The following NDE1 variants were observed in gnomAD, a reference collection of about 807,000 sequenced individuals.
NDE1 encodes nudE neurodevelopment protein 1.
A neutral mutation model predicts 43.4 loss-of-function variants in NDE1; 28 were observed. The observed-to-expected ratio is 0.65, with a 90% CI of 0.48 to 0.89. NDE1 has a LOEUF of 0.89. Among genes scored for constraint, NDE1 ranks in the 40% least tolerant of loss-of-function variants. The probability of loss-of-function intolerance (pLI) is 0.00; values close to 1 mark genes in which losing one functional copy is unlikely to be tolerated. For synonymous variants in NDE1, 184 were observed against 172.0 expected (o/e 1.07, Z -0.55); for missense variants, 441 against 434.1 (o/e 1.02, Z -0.14).
At chr16:15,703,412 A>G (rs2039290501) in intron 8 of NDE1, 2 of 239,538 alleles carry the variant, frequency 8.3e-6, no homozygotes, top group African/African-American at 2.2e-5. Context: ...CTTTCTCCCC[A>G]TTTCATGTAA....
At chr16:15,714,684 T>TA (rs1157018256) in intron 8 of NDE1, 2 of 618,628 alleles carry the variant, frequency 3.2e-6, no homozygotes, top group South Asian at 1.9e-5. Flanking sequence ...GGTCGATCGT[T>TA]AAAGGATCTA....
At chr16:15,702,845 G>A (rs1024380147) in intron 8 of NDE1, among the ~76,000 whole-genome samples, 43 of 152,060 alleles carry the variant, frequency 2.8e-4, no homozygotes, top group African/African-American at 1.0e-3. Context: ...AGTCATGTTC[G>A]AGGGCAGGGG....
intron 8 of NDE1, chr16:15,703,695 C>T (rs2151159111): frequency 2.2e-6 from 1 of 459,414 alleles, no homozygotes; most frequent in East Asian, 3.9e-5. Context: ...CTGGAGCGTT[C>T]TTCCTGGCTC....
chr16:15,714,766 G>C, intron 8 of NDE1: 1 of 1,086,280 alleles, frequency 9.2e-7, no homozygotes, highest in Non-Finnish European at 1.4e-6. Context: ...TAAGCTTAGT[G>C]ATTAAGGAGA....
At position 15,725,160 on chromosome 16, in the gene NDE1, CACA is replaced by C; in HGVS notation, c.*911_*913del. 1.5e-6 allele frequency: 1 copy of C among 649,860 alleles called. No homozygotes were observed. The highest frequency in any genetic ancestry group is 2.7e-6 in the Non-Finnish European group (1 of 371,532). The allele number at this position is 649,860 out of a possible 1,614,324, so 40.3% of individuals were successfully genotyped here. ...AAAAAAAAAAAAAAACACACACACA[CACA>C]AAAAAAACAGAATCTGTGGCTTGAA... On this transcript the variant is annotated 3_prime_UTR_variant, in exon 9 of 9. Transcript: ENST00000396354.
chr16:15,703,285 G>A (rs1198419435), intron 8 of NDE1: 1 of 226,424 alleles, frequency 4.4e-6, no homozygotes, highest in Non-Finnish European at 8.8e-6. Context: ...GCGTGTCTGA[G>A]GTGTGGAAAC....
In NDE1 at chr16:15,720,566, T is replaced by C. The variant is rs144000719; in HGVS notation, c.948-3625T>C. 7.3e-3 allele frequency among the ~76,000 whole-genome samples: 1,091 copies of C among 150,232 alleles called. 12 individuals carry two copies. Among genetic ancestry groups the C allele is most frequent in the African/African-American group, 0.026 (1,062 of 40,792 alleles). On this transcript the variant is annotated intron_variant, in intron 8 of 8. Coordinates refer to ENST00000396354, the MANE Select transcript of NDE1 (RefSeq NM_017668.3). ...GAGTTCAAGACCAGCCTGGCCAACA[T>C]GGTGAAACCTTGTCTCCACTGAAAA... is the stretch of plus-strand genomic sequence containing the variant.
At position 15,675,170 on chromosome 16, in the gene NDE1, T is replaced by TA. The variant is rs1328428809; in HGVS notation, c.238-2630dup. ...GCACTTAGGACATAATTGAAACAGT[T>TA]ATTCAGTGTGCCTGCCTGCCCGCCC... On this transcript the variant is annotated intron_variant, in intron 3 of 8. Transcript: ENST00000396354. 7.9e-5 allele frequency among the ~76,000 whole-genome samples: 12 copies of TA among 152,002 alleles called. No homozygotes were observed. In the East Asian group the frequency reaches 2.3e-3, roughly 30 times the overall value.
At chr16:15,674,686 AAAC>A (rs1339274608) in intron 3 of NDE1, among the ~76,000 whole-genome samples, 1 of 152,172 alleles carries the variant, frequency 6.6e-6, no homozygotes, top group Non-Finnish European at 1.5e-5. Context: ...TTGTGGGCAC[AAAC>A]AACAGAAGTC....
intron 1 of NDE1, among the ~76,000 whole-genome samples, chr16:15,660,853 TCTCA>T (rs1241187081): frequency 1.3e-5 from 2 of 152,158 alleles, no homozygotes; most frequent in Non-Finnish European, 2.9e-5. Flanking sequence ...TTCTCATCTC[TCTCA>T]CTCTGTTTCT....
Position 15,664,839 on chromosome 16 carries a change from C to G in NDE1, c.61C>G (p.Leu21Val). The change falls in exon 2 of 9, where the codon CTG (leucine) becomes GTG (valine). Residue 21 changes from leucine to valine, a missense_variant. Physicochemically the swap from Leu to Val is conservative, Grantham distance 32. Coordinates refer to ENST00000396354, the MANE Select transcript of NDE1 (RefSeq NM_017668.3). The part of the protein sequence containing the change: ...EEEEANYWKD[L>V]AMTYKQRAEN... ...GGAAGAAGCTAACTATTGGAAAGAT[C>G]TGGCGATGACCTACAAACAGAGGTC... 3 of 1,613,136 alleles carry G rather than the reference C, an allele frequency of 1.9e-6. No individual in the cohort carries two copies. Among genetic ancestry groups the G allele is most frequent in the Non-Finnish European group, 2.5e-6 (3 of 1,179,432 alleles).
At chr16:15,724,023 A>G (rs560547342) in intron 8 of NDE1, 168 bp from the exon 9 acceptor site, 1 of 1,458,166 alleles carries the variant, frequency 6.9e-7, no homozygotes, top group African/African-American at 1.4e-5. Context: ...CCAAGACAAG[A>G]TAAGACAGCC....
At chr16:15,699,717 C>T (rs2039162052) in intron 8 of NDE1, 2 of 1,348,876 alleles carry the variant, frequency 1.5e-6, no homozygotes, top group Non-Finnish European at 2.0e-6. Flanking sequence ...ATTTGGTTTG[C>T]TCTGTCTGAA....
chr16:15,669,761 CTGGGATTACAAGCA>C (rs1200326173), intron 3 of NDE1, among the ~76,000 whole-genome samples: 1 of 152,188 alleles, frequency 6.6e-6, no homozygotes, highest in Non-Finnish European at 1.5e-5. Context: ...TCCCAAAGTG[CTGGGATTACAAGCA>C]TGAGTCACCC....
At chr16:15,661,958 A>C (rs940128004) in intron 1 of NDE1, among the ~76,000 whole-genome samples, 3 of 149,000 alleles carry the variant, frequency 2.0e-5, no homozygotes, top group Admixed American at 1.3e-4. Context: ...TTTTTAGACA[A>C]GGTCTCACTC....
In NDE1 at chr16:15,659,425, C is replaced by CTTTTTTTTT. The variant is rs35091023; in HGVS notation, c.-43-5290_-43-5282dup. Among the ~76,000 whole-genome samples, 3 of 58,892 alleles carry CTTTTTTTTT rather than the reference C, an allele frequency of 5.1e-5. 1 individual carries two copies. The highest frequency in any genetic ancestry group is 3.0e-5 in the Non-Finnish European group (1 of 33,156). 38.6% of individuals were successfully genotyped at this position (58,892 alleles called of 152,430 possible). A position where few individuals can be genotyped will look rare whatever the true frequency, so the allele number is the denominator to read the frequency against. On this transcript the variant is annotated intron_variant, in intron 1 of 8. Coordinates refer to ENST00000396354, the MANE Select transcript of NDE1 (RefSeq NM_017668.3). ...GGAAGGAAGGGACCTTGCACACAAT[C>CTTTTTTTTT]TTTTTTTTTTTTTTTTTTTTTTTTT... is the stretch of plus-strand genomic sequence containing the variant.
chr16:15,683,270 A>G (rs1010619778), intron 4 of NDE1: 6 of 152,134 alleles, frequency 3.9e-5, no homozygotes, highest in Non-Finnish European at 7.4e-5. Flanking sequence ...CAGGTTCTCA[A>G]TAACTGCACA....
intron 6 of NDE1, among the ~76,000 whole-genome samples, chr16:15,693,126 C>T (rs937035797): frequency 2.6e-5 from 4 of 151,926 alleles, no homozygotes; most frequent in African/African-American, 7.3e-5. Context: ...CTCAGCCTCC[C>T]GAGTAGCTGG....
chr16:15,676,089 A>G (rs1279502809), intron 3 of NDE1, among the ~76,000 whole-genome samples: 2 of 148,016 alleles, frequency 1.4e-5, no homozygotes, highest in East Asian at 4.2e-4. Context: ...TAATTAACAT[A>G]GATCTCTCTC....
Sources: allele counts gnomAD v4.1 joint callset (sites outside exome capture counted in the v4.1 genomes callset), GRCh38; gene constraint gnomAD v4.1.1; transcripts MANE v1.5; gene names NCBI Gene and HGNC (gene_info 2026-07-23, HGNC 2026-07-21).